TMOD1: variants seen among roughly 807,000 people sequenced by gnomAD.
TMOD1 encodes tropomodulin 1.
In TMOD1, 17 loss-of-function variants were observed where a neutral mutation model predicts 40.6. The observed-to-expected ratio is 0.42, with a 90% CI of 0.29 to 0.63. TMOD1 has a LOEUF of 0.63. TMOD1 is among the 20% of genes least tolerant of loss of function. The pLI, the probability that TMOD1 is intolerant of heterozygous loss-of-function variation, is 0.22. For synonymous variants in TMOD1, 181 were observed against 175.0 expected, an observed-to-expected ratio of 1.03 and a Z score of -0.27; for missense variants, 391 against 447.6, an observed-to-expected ratio of 0.87 and a Z score of 1.14.
chr9:97,548,970 A>C (rs1390937585), intron 3 of TMOD1, among the ~76,000 whole-genome samples: 7 of 152,150 alleles, frequency 4.6e-5, no homozygotes, highest in Admixed American at 1.3e-4. Flanking sequence ...CCAGGCCTAC[A>C]GTCAGCTTGG....
chr9:97,501,614 C>CCCTG (rs1231824296), upstream of TMOD1: 2 of 149,240 alleles, frequency 1.3e-5, no homozygotes. Flanking sequence ...CCGGGCCCGC[C>CCCTG]CCTGGCTCCC....
intron 2 of TMOD1, among the ~76,000 whole-genome samples, chr9:97,540,404 G>T (rs1050727686): frequency 1.3e-5 from 2 of 152,252 alleles, no homozygotes; most frequent in African/African-American, 4.8e-5. Context: ...TTCTTATAGG[G>T]ACACCAATCC....
chr9:97,553,492 C>T (rs1242716414), intron 4 of TMOD1, 92 bp downstream of exon 4: 1 of 1,529,988 alleles, frequency 6.5e-7, no homozygotes, highest in Non-Finnish European at 9.0e-7. Context: ...AGCATGAACA[C>T]CTTCTCTATT....
chr9:97,600,049 G>A lies in TMOD1; in HGVS notation c.*351G>A. The A allele has an allele frequency of 1.9e-6, 2 of 1,067,060 alleles. No individual in the cohort carries two copies. Among genetic ancestry groups the A allele is most frequent in the South Asian group, 3.5e-5 (1 of 28,540 alleles). 66.1% of individuals were successfully genotyped at this position (1,067,060 alleles called of 1,614,324 possible). A position where few individuals can be genotyped will look rare whatever the true frequency, so the allele number is the denominator to read the frequency against. On this transcript the variant is annotated 3_prime_UTR_variant, in exon 10 of 10. Transcript: ENST00000259365. Reference sequence around the variant, plus strand: ...GTGGTGTTTCAAGTGCATTTAAAATGTGTGACACAGAAACGGCACACTCTT... The same window carrying A: ...GTGGTGTTTCAAGTGCATTTAAAATATGTGACACAGAAACGGCACACTCTT...
chr9:97,593,618 GA>G (rs1473609094), intron 9 of TMOD1, among the ~76,000 whole-genome samples: 1 of 151,576 alleles, frequency 6.6e-6, no homozygotes, highest in African/African-American at 2.4e-5. Context: ...CCTTTTAGGG[GA>G]AAAAAAAGAC....
intron 4 of TMOD1, among the ~76,000 whole-genome samples, chr9:97,559,794 A>AAAAAATATATATAT (rs1390791825): frequency 4.3e-5 from 1 of 23,174 alleles, no homozygotes; most frequent in East Asian, 2.0e-3. Context: ...AAAAAAAAAA[A>AAAAAATATATATAT]ATATATATAT....
chr9:97,532,325 A>T (rs1028425635), intron 2 of TMOD1, among the ~76,000 whole-genome samples: 2 of 151,992 alleles, frequency 1.3e-5, no homozygotes, highest in African/African-American at 4.8e-5. Flanking sequence ...CACCTCTCCC[A>T]ACCCCTCCTC....
intron 4 of TMOD1, among the ~76,000 whole-genome samples, chr9:97,559,839 CTATCTATCTA>C (rs1563990797): frequency 3.2e-5 from 2 of 62,210 alleles, no homozygotes; most frequent in African/African-American, 8.2e-5. Flanking sequence ...ATCTATCTAT[CTATCTATCTA>C]TCTCCAGAGA....
chr9:97,546,784 C>T (rs1830366391), intron 3 of TMOD1, among the ~76,000 whole-genome samples: 1 of 151,898 alleles, frequency 6.6e-6, no homozygotes, highest in African/African-American at 2.4e-5. Flanking sequence ...CAAAAATTAG[C>T]CGAGCATGGT....
intron 4 of TMOD1, among the ~76,000 whole-genome samples, chr9:97,556,778 G>C (rs377026492): frequency 3.3e-5 from 5 of 152,198 alleles, no homozygotes; most frequent in African/African-American, 9.7e-5. Flanking sequence ...GGGTAGGGCT[G>C]GGGGAGACCA....
At chr9:97,596,930 A>G (rs1826124198) in intron 9 of TMOD1, among the ~76,000 whole-genome samples, 1 of 152,242 alleles carries the variant, frequency 6.6e-6, no homozygotes, top group African/African-American at 2.4e-5. Flanking sequence ...TTTCTCAAAC[A>G]GTAGTTCTCA....
intron 1 of TMOD1, among the ~76,000 whole-genome samples, chr9:97,504,976 A>G (rs1490225524): frequency 6.6e-6 from 1 of 152,226 alleles, no homozygotes; most frequent in Non-Finnish European, 1.5e-5. Flanking sequence ...ATGGAAAAGC[A>G]TGAACCAGAT....
intron 4 of TMOD1, chr9:97,555,450 T>A: frequency 7.0e-7 from 1 of 1,420,850 alleles, no homozygotes. Context: ...AGGTCAGAGC[T>A]GCAACTCTGT....
chr9:97,509,707 G>A (rs115505782), intron 1 of TMOD1, among the ~76,000 whole-genome samples: 2,883 of 152,076 alleles, frequency 0.019, 94 homozygotes, highest in African/African-American at 0.066. Flanking sequence ...TGTTGCCCAG[G>A]CTGGTCTTGA....
chr9:97,576,758 C>T (rs1267026987), intron 8 of TMOD1, among the ~76,000 whole-genome samples: 9 of 152,122 alleles, frequency 5.9e-5, no homozygotes, highest in Admixed American at 2.0e-4. Context: ...CTCAGCCTCC[C>T]GAGTAGCTGG....
At chr9:97,570,722 C>T (rs12379728) in intron 8 of TMOD1, among the ~76,000 whole-genome samples, 28,266 of 152,078 alleles carry the variant, frequency 0.19, 2,813 homozygotes, top group Middle Eastern at 0.36. Context: ...CAGGACCTGG[C>T]CCTTCAGGAG....
Position 97,569,016 on chromosome 9 carries a change from G to A in TMOD1, c.849G>A (p.Val283=), listed in dbSNP as rs757319995. Residue 283 remains valine (V), a synonymous_variant, in exon 8 of 10, where the codon GTG becomes GTA. Transcript: ENST00000259365. ...CCCTCCCATACAACACTTCTCTGGT[G>A]GAAATGAAAATTGACAACCAGGTGA... is the stretch of plus-strand genomic sequence containing the variant. ...VEALPYNTSL[V]EMKIDNQSQP... 24 of 1,614,016 alleles carry A rather than the reference G, an allele frequency of 1.5e-5. No homozygotes were observed. Among genetic ancestry groups the A allele is most frequent in the Non-Finnish European group, 1.9e-5 (23 of 1,180,028 alleles).
rs145448615 is a variant in TMOD1 at position 97,592,917 on chromosome 9, T to G, written c.1015+1482T>G. Among the ~76,000 whole-genome samples the G allele has an allele frequency of 1.6e-3, 247 of 152,298 alleles. 1 individual carries two copies. Among genetic ancestry groups the G allele is most frequent in the African/African-American group, 5.7e-3 (235 of 41,564 alleles). On this transcript the variant is annotated intron_variant, in intron 9 of 9. Transcript: ENST00000259365. Reference sequence around the variant, plus strand: ...ATTTTTTAAAATGTGTGCAGAGTCTTGGTTTATCAGAAGTATCCTTACTTG... The same window carrying G: ...ATTTTTTAAAATGTGTGCAGAGTCTGGGTTTATCAGAAGTATCCTTACTTG...
At chr9:97,501,480 C>A (rs1004167829), upstream of TMOD1, among the ~76,000 whole-genome samples, 94 of 152,076 alleles carry the variant, frequency 6.2e-4, no homozygotes, top group African/African-American at 2.0e-3. Flanking sequence ...GCCCGACTCC[C>A]CTGCGCTCCC....
Sources: gnomAD v4.1 joint callset for allele counts (sites outside exome capture counted in the v4.1 genomes callset) on GRCh38, gnomAD v4.1.1 for gene constraint, MANE v1.5 for transcripts, NCBI Gene and HGNC (gene_info 2026-07-23, HGNC 2026-07-21) for gene names.